Variants in EYS observed in about 807,000 individuals in gnomAD.
EYS encodes the protein EGF-like photoreceptor maintenance factor, also known as protein eyes shut homolog.
In EYS, 250 loss-of-function variants were observed where a neutral mutation model predicts 282.1. That is an observed-to-expected ratio of 0.89 (90% CI 0.80 to 0.98). The LOEUF is 0.98. EYS is among the 50% of genes least tolerant of loss of function. The pLI is 0.00. For synonymous variants in EYS, 1,355 were observed against 1,282.9 expected (o/e 1.06, Z -1.20); for missense variants, 4,016 against 3,709.0 (o/e 1.08, Z -2.15).
chr6:65,196,302 A>G (rs1765765111), intron 12 of EYS, among the ~76,000 whole-genome samples: 1 of 152,020 alleles, frequency 6.6e-6, no homozygotes, highest in South Asian at 2.1e-4. Flanking sequence ...ACTCAAGCTC[A>G]AATAACCTTT....
intron 26 of EYS, among the ~76,000 whole-genome samples, chr6:64,545,971 C>T (rs890256546): frequency 6.6e-6 from 1 of 152,120 alleles, no homozygotes; most frequent in Non-Finnish European, 1.5e-5. Context: ...GATTCAATGC[C>T]ATCCCCATCA....
At chr6:64,253,002 C>T (rs924182446) in intron 30 of EYS, among the ~76,000 whole-genome samples, 5 of 152,028 alleles carry the variant, frequency 3.3e-5, no homozygotes, top group Non-Finnish European at 7.4e-5. Context: ...GAGCCTTTAA[C>T]ATAAAGGCCA....
intron 19 of EYS, among the ~76,000 whole-genome samples, chr6:64,845,601 C>T (rs1241561949): frequency 1.3e-5 from 2 of 151,930 alleles, no homozygotes; most frequent in African/African-American, 2.4e-5. Context: ...CTCCCAACTT[C>T]GGGAATTTCT....
intron 35 of EYS, among the ~76,000 whole-genome samples, chr6:63,984,048 C>T (rs1562132070): frequency 6.6e-6 from 1 of 151,026 alleles, no homozygotes; most frequent in African/African-American, 2.4e-5. Context: ...ATATCAAAAC[C>T]ATCACCAATG....
At chr6:63,750,243 T>TA (rs1375362768) in intron 41 of EYS, among the ~76,000 whole-genome samples, 1 of 152,246 alleles carries the variant, frequency 6.6e-6, no homozygotes. Context: ...GCAGCTCATA[T>TA]ATCTGCATTC....
At chr6:65,045,161 C>G (rs1022512408) in intron 13 of EYS, among the ~76,000 whole-genome samples, 1 of 151,834 alleles carries the variant, frequency 6.6e-6, no homozygotes, top group Non-Finnish European at 1.5e-5. Flanking sequence ...TTGCCAGAAG[C>G]CTCCAGGATT....
intron 31 of EYS, among the ~76,000 whole-genome samples, chr6:64,181,750 A>G (rs905112208): frequency 6.6e-6 from 1 of 152,116 alleles, no homozygotes; most frequent in Non-Finnish European, 1.5e-5. Flanking sequence ...AAAAGCAATT[A>G]CTTGTCACTT....
intron 5 of EYS, among the ~76,000 whole-genome samples, chr6:65,460,933 A>T (rs1764807142): frequency 6.6e-6 from 1 of 152,134 alleles, no homozygotes; most frequent in Admixed American, 6.6e-5. Context: ...TTACTAAATG[A>T]TCCATAATAT....
intron 13 of EYS, among the ~76,000 whole-genome samples, chr6:65,019,986 A>G (rs899392640): frequency 1.3e-5 from 2 of 152,056 alleles, no homozygotes; most frequent in African/African-American, 2.4e-5. Flanking sequence ...TATCATGAGA[A>G]CGGCAAGAGA....
At chr6:65,352,078 C>T (rs564408936) in intron 9 of EYS, among the ~76,000 whole-genome samples, 1 of 151,968 alleles carries the variant, frequency 6.6e-6, no homozygotes, top group East Asian at 1.9e-4. Context: ...GCTTTGCTCT[C>T]TTCTACCACT....
chr6:64,865,933 G>T (rs2150051200), intron 19 of EYS, among the ~76,000 whole-genome samples: 1 of 152,132 alleles, frequency 6.6e-6, no homozygotes, highest in Middle Eastern at 3.4e-3. Context: ...TTATGGTGTG[G>T]TATTTATGGA....
At chr6:64,158,437 C>A (rs1775000042) in intron 31 of EYS, among the ~76,000 whole-genome samples, 1 of 152,102 alleles carries the variant, frequency 6.6e-6, no homozygotes, top group Non-Finnish European at 1.5e-5. Context: ...TGTTCAAAAA[C>A]ATAGTTGTTC....
At chr6:63,757,819 G>A (rs1040048247) in intron 41 of EYS, among the ~76,000 whole-genome samples, 9 of 152,138 alleles carry the variant, frequency 5.9e-5, no homozygotes, top group South Asian at 2.1e-4. Context: ...GGATCTCTTC[G>A]TATTGCCTGA....
intron 29 of EYS, among the ~76,000 whole-genome samples, chr6:64,314,193 G>GAAAA (rs1769841355): frequency 4.7e-4 from 5 of 10,598 alleles, no homozygotes; most frequent in Non-Finnish European, 6.0e-4. Context: ...CAAATGGAAA[G>GAAAA]CAAAAAAAAA....
intron 19 of EYS, among the ~76,000 whole-genome samples, chr6:64,871,399 A>C (rs1264448027): frequency 1.3e-5 from 2 of 151,880 alleles, no homozygotes. Flanking sequence ...CCTTTTGAAA[A>C]GATTAGGAGG....
At chr6:65,241,313 A>G (rs1452851497) in intron 12 of EYS, among the ~76,000 whole-genome samples, 1 of 152,128 alleles carries the variant, frequency 6.6e-6, no homozygotes, top group Admixed American at 6.5e-5. Flanking sequence ...TGTCTGTTAC[A>G]TATAATGATT....
intron 28 of EYS, among the ~76,000 whole-genome samples, chr6:64,414,690 A>G (rs1012030653): frequency 2.0e-5 from 3 of 152,192 alleles, no homozygotes; most frequent in Admixed American, 1.3e-4. Context: ...TCACTGTAGT[A>G]TAATACTTGG....
chr6:64,045,527 C>A lies in EYS; in HGVS notation c.6725+20811G>T, dbSNP rs557408946. On this transcript the variant is annotated intron_variant, in intron 33 of 42. Coordinates refer to ENST00000503581, the MANE Select transcript of EYS (RefSeq NM_001142800.2). The stretch of plus-strand genomic sequence containing the variant: ...ATGGCATGATCTTGGCTCACTGCAA[C>A]CTCCACTTCCTGGTTTCAAACGATT... 3.3e-5 allele frequency among the ~76,000 whole-genome samples: 5 copies of A among 151,322 alleles called. No homozygotes were observed. In the South Asian group the frequency reaches 6.2e-4, roughly 19 times the overall value.
At chr6:64,623,745 G>T (rs1208465055) in intron 23 of EYS, among the ~76,000 whole-genome samples, 6 of 152,044 alleles carry the variant, frequency 3.9e-5, no homozygotes, top group African/African-American at 1.4e-4. Context: ...TTGGAGGATG[G>T]TGGTTAATTG....
Sources: allele counts gnomAD v4.1 joint callset (sites outside exome capture counted in the v4.1 genomes callset), GRCh38; gene constraint gnomAD v4.1.1; transcripts MANE v1.5; gene names NCBI Gene and HGNC (gene_info 2026-07-23, HGNC 2026-07-21).